PAK2: variants seen among roughly 807,000 people sequenced by gnomAD.
PAK2 encodes the protein serine/threonine-protein kinase PAK 2.
PAK2 carries 21 observed loss-of-function variants against 65.9 expected under a neutral mutation model. The observed-to-expected ratio is 0.32, with a 90% confidence interval of 0.23 to 0.46. The LOEUF is 0.46. Among genes scored for constraint, PAK2 ranks in the 20% least tolerant of loss-of-function variants. The pLI is 1.00. For synonymous variants in PAK2, 204 were observed against 219.7 expected, an observed-to-expected ratio of 0.93 and a Z score of 0.63; for missense variants, 324 against 642.6, an observed-to-expected ratio of 0.50 and a Z score of 5.36.
At chr3:196,762,177 A>G (rs1317483700) in intron 1 of PAK2, among the ~76,000 whole-genome samples, 8 of 94,274 alleles carry the variant, frequency 8.5e-5, no homozygotes, top group East Asian at 5.1e-4. Flanking sequence ...CCTAGATGGG[A>G]TGGTGGCCGG....
chr3:196,810,976 T>G (rs75290352), intron 8 of PAK2, among the ~76,000 whole-genome samples: 7,521 of 152,070 alleles, frequency 0.049, 219 homozygotes, highest in African/African-American at 0.073. Context: ...CAATAAAAAA[T>G]GCATTTAAAT....
At chr3:196,745,835 G>C (rs1462310685) in intron 1 of PAK2, among the ~76,000 whole-genome samples, 1 of 131,382 alleles carries the variant, frequency 7.6e-6, no homozygotes, top group Non-Finnish European at 1.7e-5. Flanking sequence ...AAAAAAAGAA[G>C]AAGTAGTAAC....
chr3:196,794,745 C>CTGAA (rs1715193420), intron 2 of PAK2, among the ~76,000 whole-genome samples: 2 of 152,136 alleles, frequency 1.3e-5, no homozygotes, highest in Non-Finnish European at 2.9e-5. Flanking sequence ...TTCAGCAACA[C>CTGAA]CATGTTGTAG....
intron 1 of PAK2, among the ~76,000 whole-genome samples, chr3:196,749,435 C>A (rs1713497777): frequency 6.6e-6 from 1 of 152,066 alleles, no homozygotes; most frequent in African/African-American, 2.4e-5. Context: ...AGTAGCCATC[C>A]TAATGGGTAT....
rs967295089 is a variant in PAK2 at position 196,828,697 on chromosome 3, T to C, written c.*292T>C. On this transcript the variant is annotated 3_prime_UTR_variant, in exon 15 of 15. Coordinates refer to ENST00000327134, the MANE Select transcript of PAK2 (RefSeq NM_002577.4). ...TTTATCATGTGTGAGATTTGCATTT[T>C]ACTTTGCTGACTTTGTTGTAATAGA... 3.0e-6 allele frequency: 1 copy of C among 328,166 alleles called. No individual in the cohort carries two copies. Among genetic ancestry groups the C allele is most frequent in the African/African-American group, 2.2e-5 (1 of 44,790 alleles). 20.3% of individuals were successfully genotyped at this position (328,166 alleles called of 1,614,324 possible). A position where few individuals can be genotyped will look rare whatever the true frequency, so the allele number is the denominator to read the frequency against.
In PAK2 at chr3:196,832,287, CTT is replaced by C. The variant is rs948236371; in HGVS notation, c.*3890_*3891del. 1.3e-5 allele frequency: 2 copies of C among 151,106 alleles called. No individual in the cohort carries two copies. Among genetic ancestry groups the C allele is most frequent in the African/African-American group, 4.9e-5 (2 of 41,136 alleles). The allele number at this position is 151,106 out of a possible 1,614,324, so 9.4% of individuals were successfully genotyped here. ...AACATCTTTGGTTGGAACGCATTGG[CTT>C]TTTTTTTCTTGTTTTGATAGAAATG... On this transcript the variant is annotated 3_prime_UTR_variant, in exon 15 of 15. Transcript: ENST00000327134.
chr3:196,828,490 T>G lies in PAK2; in HGVS notation c.*85T>G. 4.8e-6 allele frequency: 4 copies of G among 840,544 alleles called. No homozygotes were observed. Among genetic ancestry groups the G allele is most frequent in the Non-Finnish European group, 8.1e-6 (4 of 496,596 alleles). The allele number at this position is 840,544 out of a possible 1,614,324, so 52.1% of individuals were successfully genotyped here. A position where few individuals can be genotyped will look rare whatever the true frequency, so the allele number is the denominator to read the frequency against. The stretch of plus-strand genomic sequence containing the variant: ...TGAAAATTATTACTCTTTTTGGGGT[T>G]TAAAGAAATGGTCTGCATAACCTGA... On this transcript the variant is annotated 3_prime_UTR_variant, in exon 15 of 15. Transcript: ENST00000327134.
At chr3:196,822,763 G>A (rs1404212080) in intron 13 of PAK2, among the ~76,000 whole-genome samples, 1 of 152,118 alleles carries the variant, frequency 6.6e-6, no homozygotes, top group African/African-American at 2.4e-5. Context: ...GGGCTTCCCT[G>A]AGGTGACATT....
chr3:196,746,901 C>T (rs1008429825), intron 1 of PAK2, among the ~76,000 whole-genome samples: 1 of 150,788 alleles, frequency 6.6e-6, no homozygotes, highest in Non-Finnish European at 1.5e-5. Context: ...TCATGAGTCA[C>T]TTTTGATAAT....
intron 11 of PAK2, among the ~76,000 whole-genome samples, chr3:196,815,869 C>T (rs906003690): frequency 6.6e-6 from 1 of 151,952 alleles, no homozygotes; most frequent in African/African-American, 2.4e-5. Context: ...TATTTGCCTT[C>T]AGTATCAATA....
At position 196,763,751 on chromosome 3, in the gene PAK2, G is replaced by T. The variant is rs555406285; in HGVS notation, c.-21-18875G>T. Among the ~76,000 whole-genome samples, 5 of 152,056 alleles carry T rather than the reference G, an allele frequency of 3.3e-5. No homozygotes were observed. In the East Asian group the frequency reaches 5.8e-4, roughly 18 times the overall value. On this transcript the variant is annotated intron_variant, in intron 1 of 14. Coordinates refer to ENST00000327134, the MANE Select transcript of PAK2 (RefSeq NM_002577.4). ...TATTATTGTCTATTTTCTATAGAAA[G>T]AAAGGAAAGGCACTCAGATCACTGT...
intron 1 of PAK2, among the ~76,000 whole-genome samples, chr3:196,768,008 G>T (rs889472842): frequency 6.6e-6 from 1 of 152,008 alleles, no homozygotes; most frequent in Non-Finnish European, 1.5e-5. Context: ...CTGAGCCAAA[G>T]TACAAGCTCC....
At chr3:196,787,239 C>T (rs1330725342) in intron 2 of PAK2, among the ~76,000 whole-genome samples, 1 of 151,922 alleles carries the variant, frequency 6.6e-6, no homozygotes, top group Non-Finnish European at 1.5e-5. Flanking sequence ...ATCTGTTTAT[C>T]ATGTACTTTA....
chr3:196,759,492 T>A (rs947171877), intron 1 of PAK2, among the ~76,000 whole-genome samples: 4 of 108,644 alleles, frequency 3.7e-5, no homozygotes, highest in African/African-American at 1.1e-4. Flanking sequence ...TTAAGTGGTT[T>A]TTTTTGTTTT....
In PAK2 at chr3:196,830,804, T is replaced by A. The variant is rs990705559; in HGVS notation, c.*2399T>A. The A allele has an allele frequency of 3.3e-5, 5 of 152,258 alleles. No homozygotes were observed. Among genetic ancestry groups the A allele is most frequent in the Non-Finnish European group, 7.3e-5 (5 of 68,042 alleles). The allele number at this position is 152,258 out of a possible 1,614,324, so 9.4% of individuals were successfully genotyped here. On this transcript the variant is annotated 3_prime_UTR_variant, in exon 15 of 15. Coordinates refer to ENST00000327134, the MANE Select transcript of PAK2 (RefSeq NM_002577.4). ...TGTCATTTTTAAACAATCTTAAAAG[T>A]AATACAGAATTGTGATTTATTAATT...
chr3:196,800,924 G>A (rs181239936), intron 2 of PAK2, among the ~76,000 whole-genome samples: 116 of 152,228 alleles, frequency 7.6e-4, no homozygotes, highest in African/African-American at 2.6e-3. Flanking sequence ...TGCAGGAAGC[G>A]TAGGCATGAG....
At chr3:196,751,990 G>T (rs569598651) in intron 1 of PAK2, among the ~76,000 whole-genome samples, 4 of 151,866 alleles carry the variant, frequency 2.6e-5, no homozygotes, top group Non-Finnish European at 5.9e-5. Context: ...TGTTCTGCCT[G>T]CCTCGGCCTC....
Position 196,796,856 on chromosome 3 carries a change from C to T in PAK2, c.188-5071C>T, listed in dbSNP as rs531016393. 1.1e-4 allele frequency among the ~76,000 whole-genome samples: 17 copies of T among 152,190 alleles called. No homozygotes were observed. In the East Asian group the frequency reaches 1.2e-3, roughly 10 times the overall value. On this transcript the variant is annotated intron_variant, in intron 2 of 14. Transcript: ENST00000327134. ...GTGATAATAAGGAAGGTTGTTATTT[C>T]GTGATAATAGGACCAGTTCATTAAG...
At chr3:196,762,543 A>T (rs1246495254) in intron 1 of PAK2, among the ~76,000 whole-genome samples, 1 of 150,824 alleles carries the variant, frequency 6.6e-6, no homozygotes, top group Non-Finnish European at 1.5e-5. Flanking sequence ...AAAACCAGTC[A>T]GGCGTGGCGG....
Sources: allele counts gnomAD v4.1 joint callset (sites outside exome capture counted in the v4.1 genomes callset), GRCh38; gene constraint gnomAD v4.1.1; transcripts MANE v1.5; gene names NCBI Gene and HGNC (gene_info 2026-07-23, HGNC 2026-07-21).